The following TTI1 variants were observed in gnomAD, a reference collection of about 807,000 sequenced individuals.
TTI1 encodes the protein TELO2-interacting protein 1 homolog.
Under a neutral mutation model 85.4 loss-of-function variants are expected in TTI1, and 52 were observed. The observed-to-expected ratio is 0.61, with a 90% confidence interval of 0.49 to 0.77. The LOEUF is 0.77. Ranked by LOEUF, TTI1 falls within the 30% of genes least tolerant of loss-of-function variation. The pLI, the probability that TTI1 is intolerant of heterozygous loss-of-function variation, is 0.00. For missense variants in TTI1, 1,173 were observed against 1,296.0 expected (o/e 0.91, Z 1.46); for synonymous variants, 512 against 503.9 (o/e 1.02, Z -0.22).
At chr20:38,005,612 G>T (rs2122552299) in intron 3 of TTI1, among the ~76,000 whole-genome samples, 1 of 152,196 alleles carries the variant, frequency 6.6e-6, no homozygotes, top group African/African-American at 2.4e-5. Context: ...GAAGAAAACT[G>T]GAAATAGCCA....
intron 1 of TTI1, chr20:38,018,894 A>G (rs970395342): frequency 1.3e-5 from 2 of 152,168 alleles, no homozygotes; most frequent in African/African-American, 4.8e-5. Context: ...TCACACCTAT[A>G]ATCCCAGCAC....
At chr20:38,008,251 T>G (rs1489278537) in intron 2 of TTI1, among the ~76,000 whole-genome samples, 1 of 152,176 alleles carries the variant, frequency 6.6e-6, no homozygotes, top group Non-Finnish European at 1.5e-5. Flanking sequence ...CGTAATACCC[T>G]TTAAACCAGC....
chr20:37,992,450 T>C (rs6091628), intron 7 of TTI1, among the ~76,000 whole-genome samples: 33,799 of 151,918 alleles, frequency 0.22, 4,060 homozygotes, highest in African/African-American at 0.33. Flanking sequence ...CTAATTTTTA[T>C]ATGTTCAGTA....
chr20:37,984,073 G>A (rs923104535), intron 7 of TTI1, among the ~76,000 whole-genome samples: 2 of 152,160 alleles, frequency 1.3e-5, no homozygotes, highest in Non-Finnish European at 1.5e-5. Flanking sequence ...TGTCCTGCTC[G>A]GGGGCCCTGA....
chr20:37,990,724 A>C (rs575310460), intron 7 of TTI1, among the ~76,000 whole-genome samples: 34 of 152,326 alleles, frequency 2.2e-4, no homozygotes, highest in Admixed American at 2.2e-3. Context: ...GGTCGACCAC[A>C]GCCTCTGATG....
chr20:38,030,412 T>C (rs1207939851), intron 1 of TTI1, among the ~76,000 whole-genome samples: 3 of 152,110 alleles, frequency 2.0e-5, no homozygotes, highest in African/African-American at 7.2e-5. Context: ...GCCAGTATTA[T>C]CCTGATACCA....
At chr20:38,021,558 C>T (rs1441868145) in intron 1 of TTI1, among the ~76,000 whole-genome samples, 1 of 152,176 alleles carries the variant, frequency 6.6e-6, no homozygotes, top group Non-Finnish European at 1.5e-5. Context: ...GACAAAACCA[C>T]CCAGAGCTCA....
chr20:38,011,330 T>C (rs941723689), intron 2 of TTI1, among the ~76,000 whole-genome samples, 185 bp downstream of exon 2: 4 of 152,142 alleles, frequency 2.6e-5, no homozygotes, highest in African/African-American at 9.7e-5. Context: ...CAATAAATGG[T>C]AGAGATTACT....
chr20:37,993,996 T>C (rs1344775021), intron 7 of TTI1, among the ~76,000 whole-genome samples: 1 of 152,176 alleles, frequency 6.6e-6, no homozygotes, highest in East Asian at 1.9e-4. Context: ...GAGAGCAATT[T>C]TCCAAGTGAG....
At chr20:37,989,281 C>G (rs1342051072) in intron 7 of TTI1, among the ~76,000 whole-genome samples, 1 of 152,218 alleles carries the variant, frequency 6.6e-6, no homozygotes, top group Non-Finnish European at 1.5e-5. Context: ...CATGCATACT[C>G]ACACAGAGAC....
At chr20:37,988,139 G>C (rs2073216673) in intron 7 of TTI1, among the ~76,000 whole-genome samples, 1 of 152,256 alleles carries the variant, frequency 6.6e-6, no homozygotes, top group Non-Finnish European at 1.5e-5. Context: ...GTAGACTAAG[G>C]GATCACAGAG....
intron 1 of TTI1, among the ~76,000 whole-genome samples, chr20:38,030,274 T>A (rs1600662508): frequency 6.6e-6 from 1 of 150,408 alleles, no homozygotes; most frequent in Non-Finnish European, 1.5e-5. Flanking sequence ...AAGCAGGGAG[T>A]GGAGGGAATC....
intron 3 of TTI1, among the ~76,000 whole-genome samples, chr20:38,004,952 T>A (rs960053980): frequency 2.0e-5 from 3 of 152,194 alleles, no homozygotes; most frequent in Admixed American, 6.5e-5. Context: ...AAAAGCCTGA[T>A]AGATTTCTGA....
intron 1 of TTI1, among the ~76,000 whole-genome samples, chr20:38,029,573 A>T (rs1320276934): frequency 6.7e-5 from 10 of 148,618 alleles, no homozygotes; most frequent in Admixed American, 6.7e-4. Flanking sequence ...TGAGCAAGAG[A>T]GAGAGAGAGA....
intron 1 of TTI1, among the ~76,000 whole-genome samples, chr20:38,019,929 A>C (rs1198001464): frequency 2.0e-5 from 3 of 152,228 alleles, no homozygotes; most frequent in Non-Finnish European, 4.4e-5. Context: ...TGTCAAGGAC[A>C]AAAATTGTCC....
chr20:38,004,986 G>C (rs567298567), intron 3 of TTI1, among the ~76,000 whole-genome samples: 12 of 152,258 alleles, frequency 7.9e-5, no homozygotes, highest in African/African-American at 2.9e-4. Context: ...TCCTCGGGGA[G>C]AGCAATGACT....
intron 1 of TTI1, among the ~76,000 whole-genome samples, chr20:38,028,749 C>T (rs78111957): frequency 0.028 from 4,203 of 152,244 alleles, 201 homozygotes; most frequent in African/African-American, 0.097. Context: ...CACTCTATTG[C>T]TCAGGCTGCA....
Position 38,000,233 on chromosome 20 carries a change from G to A in TTI1, c.2653-905C>T, listed in dbSNP as rs149378264. 4.3e-4 allele frequency among the ~76,000 whole-genome samples: 66 copies of A among 152,288 alleles called. 1 individual carries two copies. The highest frequency in any genetic ancestry group is 6.3e-4 in the Non-Finnish European group (43 of 68,020). On this transcript the variant is annotated intron_variant, in intron 4 of 7. Coordinates refer to ENST00000373447, the MANE Select transcript of TTI1 (RefSeq NM_001303457.2). The stretch of plus-strand genomic sequence containing the variant: ...CCACTGAATGAGATGGGGAGCACGC[G>A]GGAGGAGAAAGTTGGGCGGCTAGGG...
At chr20:37,996,648 C>A in intron 6 of TTI1, 101 bp downstream of exon 6, 1 of 1,443,702 alleles carries the variant, frequency 6.9e-7, no homozygotes, top group Non-Finnish European at 9.5e-7. Flanking sequence ...AGGAGGTACA[C>A]AGAGGGGAGG....
Sources: gnomAD v4.1 joint callset for allele counts (sites outside exome capture counted in the v4.1 genomes callset) on GRCh38, gnomAD v4.1.1 for gene constraint, MANE v1.5 for transcripts, NCBI Gene and HGNC (gene_info 2026-07-23, HGNC 2026-07-21) for gene names.